SLC6A11: variants seen among roughly 807,000 people sequenced by gnomAD.
SLC6A11 encodes the protein solute carrier family 6 member 11.
A neutral mutation model predicts 74.8 loss-of-function variants in SLC6A11; 25 were observed. That is an observed-to-expected ratio of 0.33 (90% confidence interval 0.24 to 0.47). The LOEUF (loss-of-function observed/expected upper bound fraction) is 0.47, where lower values mean the gene tolerates loss of function less well. SLC6A11 is among the 20% of genes least tolerant of loss of function. SLC6A11 has a pLI of 1.00. For missense variants in SLC6A11, 574 were observed against 837.0 expected, an observed-to-expected ratio of 0.69 and a Z score of 3.88; for synonymous variants, 330 against 330.2, an observed-to-expected ratio of 1.00 and a Z score of 0.01.
At chr3:10,827,906 G>A (rs1694236182) in intron 4 of SLC6A11, among the ~76,000 whole-genome samples, 2 of 152,158 alleles carry the variant, frequency 1.3e-5, no homozygotes, top group Admixed American at 6.5e-5. Context: ...CTTAGCCCAC[G>A]AGAGAAGTTC....
intron 9 of SLC6A11, 120 bp from the exon 10 acceptor site, chr3:10,929,082 C>A: frequency 9.9e-7 from 1 of 1,005,858 alleles, no homozygotes; most frequent in Non-Finnish European, 1.5e-6. Flanking sequence ...CCCTCGTCTG[C>A]ATTAATGGGT....
chr3:10,823,172 C>A, intron 3 of SLC6A11, 130 bp from the exon 4 acceptor site: 1 of 665,746 alleles, frequency 1.5e-6, no homozygotes. Flanking sequence ...TCCCCACTGC[C>A]CTTTGACGCA....
intron 9 of SLC6A11, among the ~76,000 whole-genome samples, chr3:10,928,012 T>C (rs1695632016): frequency 6.6e-6 from 1 of 152,194 alleles, no homozygotes; most frequent in African/African-American, 2.4e-5. Flanking sequence ...ACTTATCGCC[T>C]GGGTGACCTT....
chr3:10,907,616 C>T (rs143587380), intron 6 of SLC6A11, among the ~76,000 whole-genome samples: 1 of 152,256 alleles, frequency 6.6e-6, no homozygotes, highest in East Asian at 1.9e-4. Flanking sequence ...ACCTGTTGGA[C>T]ATCCAAACCA....
chr3:10,924,533 C>T (rs182026493), intron 8 of SLC6A11, among the ~76,000 whole-genome samples: 5 of 152,024 alleles, frequency 3.3e-5, no homozygotes, highest in East Asian at 3.9e-4. Flanking sequence ...CTTCACAAGA[C>T]GCCATTAAGA....
chr3:10,928,539 G>A (rs1445143513), intron 9 of SLC6A11, among the ~76,000 whole-genome samples: 1 of 152,118 alleles, frequency 6.6e-6, no homozygotes, highest in Non-Finnish European at 1.5e-5. Context: ...CCTTGTACCT[G>A]GCCCTGTGCT....
At chr3:10,817,457 T>C (rs1694078453) in intron 1 of SLC6A11, among the ~76,000 whole-genome samples, 1 of 152,188 alleles carries the variant, frequency 6.6e-6, no homozygotes, top group South Asian at 2.1e-4. Flanking sequence ...CCCCCTCCTG[T>C]CATATCGGCA....
intron 5 of SLC6A11, among the ~76,000 whole-genome samples, chr3:10,852,314 A>C (rs1488482198): frequency 6.6e-6 from 1 of 152,220 alleles, no homozygotes; most frequent in African/African-American, 2.4e-5. Context: ...AAGTACACCG[A>C]AGCCGCCATG....
In SLC6A11 at chr3:10,915,327, G is replaced by A. The variant is rs1385736534; in HGVS notation, c.996-3002G>A. Among the ~76,000 whole-genome samples, 1 of 152,168 alleles carries A rather than the reference G, an allele frequency of 6.6e-6. No individual in the cohort carries two copies. Among genetic ancestry groups the A allele is most frequent in the Non-Finnish European group, 1.5e-5 (1 of 68,048 alleles). ...TCCCTTCTGCTTCCCCCTCCAGCAG[G>A]CAGGTTTTATTCCATCTCTCCCATC... On this transcript the variant is annotated intron_variant, in intron 7 of 13. Coordinates refer to ENST00000254488, the MANE Select transcript of SLC6A11 (RefSeq NM_014229.3). The surrounding 1 kb of genome is among the most constrained non-coding windows in gnomAD (Gnocchi z 4.3).
At chr3:10,862,507 A>C (rs1055786487) in intron 5 of SLC6A11, among the ~76,000 whole-genome samples, 1 of 152,214 alleles carries the variant, frequency 6.6e-6, no homozygotes, top group African/African-American at 2.4e-5. Context: ...CAGCCTTCTT[A>C]ATGAGCATGG....
At chr3:10,844,756 C>A (rs189236866) in intron 5 of SLC6A11, among the ~76,000 whole-genome samples, 103 of 152,324 alleles carry the variant, frequency 6.8e-4, no homozygotes, top group African/African-American at 2.4e-3. Flanking sequence ...CCCAAGATCT[C>A]AGGGGTGTAT....
At chr3:10,843,806 A>G (rs1210966645) in intron 4 of SLC6A11, among the ~76,000 whole-genome samples, 2 of 152,192 alleles carry the variant, frequency 1.3e-5, no homozygotes, top group East Asian at 3.9e-4. Flanking sequence ...CCTGTTGGCC[A>G]AACAATGTTC....
chr3:10,920,082 G>A (rs779162388), intron 8 of SLC6A11, among the ~76,000 whole-genome samples: 4 of 152,180 alleles, frequency 2.6e-5, no homozygotes, highest in Non-Finnish European at 4.4e-5. Flanking sequence ...GAGAATCCAT[G>A]TCCTCCTCTG....
intron 6 of SLC6A11, among the ~76,000 whole-genome samples, chr3:10,903,256 C>G (rs184666500): frequency 6.6e-6 from 1 of 152,176 alleles, no homozygotes; most frequent in African/African-American, 2.4e-5. Context: ...ATTGGAGGCT[C>G]TCTTTGCAGA....
chr3:10,819,430 GAC>G (rs750185907), intron 1 of SLC6A11, 33 bp from the exon 2 acceptor site: 9 of 1,590,452 alleles, frequency 5.7e-6, no homozygotes, highest in Non-Finnish European at 7.7e-6. Context: ...AATCGGCAGG[GAC>G]AGTTTTCATT....
At chr3:10,873,930 A>T (rs1299434807) in intron 5 of SLC6A11, among the ~76,000 whole-genome samples, 1 of 152,038 alleles carries the variant, frequency 6.6e-6, no homozygotes, top group Non-Finnish European at 1.5e-5. Flanking sequence ...ACACTATCCT[A>T]TGTTATGCTA....
intron 6 of SLC6A11, among the ~76,000 whole-genome samples, chr3:10,896,350 A>G (rs1695171426): frequency 6.6e-6 from 1 of 152,230 alleles, no homozygotes; most frequent in Admixed American, 6.5e-5. Context: ...GCCACTTAGC[A>G]TTTACTGTGA....
intron 6 of SLC6A11, among the ~76,000 whole-genome samples, chr3:10,902,086 CTG>C (rs3836462): frequency 0.35 from 52,720 of 150,162 alleles, 9,773 homozygotes; most frequent in African/African-American, 0.49. Context: ...GTGTGTGGGT[CTG>C]TGTGTGTGTG....
Position 10,853,600 on chromosome 3 carries a change from G to A in SLC6A11, c.756+9254G>A, listed in dbSNP as rs536133178. Among the ~76,000 whole-genome samples, 45 of 152,226 alleles carry A rather than the reference G, an allele frequency of 3.0e-4. No homozygotes were observed. In the East Asian group the frequency reaches 8.7e-3, roughly 30 times the overall value. On this transcript the variant is annotated intron_variant, in intron 5 of 13. Transcript: ENST00000254488. Reference sequence around the variant, plus strand: ...ACAGGCCATCAGAAGGGGCAGGCTGGGACTCTCTACACAGCTGAAGCTGCT... The same window carrying A: ...ACAGGCCATCAGAAGGGGCAGGCTGAGACTCTCTACACAGCTGAAGCTGCT...
Sources: allele counts gnomAD v4.1 joint callset (sites outside exome capture counted in the v4.1 genomes callset), GRCh38; gene constraint gnomAD v4.1.1; non-coding constraint Gnocchi (gnomAD v3.1); transcripts MANE v1.5; gene names NCBI Gene and HGNC (gene_info 2026-07-23, HGNC 2026-07-21).